Variants in LAMA3 observed in about 807,000 individuals in gnomAD.
LAMA3 encodes the protein laminin subunit alpha 3, also known as laminin subunit alpha-3.
Under a neutral mutation model 402.0 loss-of-function variants are expected in LAMA3, and 281 were observed. The ratio of observed to expected loss-of-function variants is 0.70; its 90% confidence interval spans 0.63 to 0.77. LAMA3 has a LOEUF of 0.77. Among genes scored for constraint, LAMA3 ranks in the 30% least tolerant of loss-of-function variants. LAMA3 has a pLI of 0.00. For synonymous variants in LAMA3, 1,431 were observed against 1,558.4 expected, an observed-to-expected ratio of 0.92 and a Z score of 1.93; for missense variants, 3,840 against 4,215.5, an observed-to-expected ratio of 0.91 and a Z score of 2.47.
chr18:23,861,590 C>T, intron 34 of LAMA3, 56 bp from the exon 35 acceptor site: 1 of 1,600,340 alleles, frequency 6.2e-7, no homozygotes, highest in African/African-American at 1.3e-5. Context: ...CACCCATCAC[C>T]CCAGGGATGC....
chr18:23,857,037 C>T (rs2064097092), intron 32 of LAMA3, among the ~76,000 whole-genome samples: 1 of 152,176 alleles, frequency 6.6e-6, no homozygotes, highest in Non-Finnish European at 1.5e-5. Context: ...TTGCCAAGTG[C>T]CAGGCACTGG....
intron 74 of LAMA3, among the ~76,000 whole-genome samples, chr18:23,954,226 A>AC (rs1156510471): frequency 1.3e-5 from 2 of 151,836 alleles, no homozygotes; most frequent in South Asian, 2.1e-4. Flanking sequence ...ACATAGTGAG[A>AC]CCCCATCTCT....
intron 37 of LAMA3, among the ~76,000 whole-genome samples, chr18:23,870,037 G>A (rs1184890389): frequency 2.0e-5 from 3 of 151,994 alleles, no homozygotes; most frequent in East Asian, 3.8e-4. Context: ...AGGTGCAGTG[G>A]CTCACACCTG....
chr18:23,852,992 C>T (rs558964225), intron 32 of LAMA3, among the ~76,000 whole-genome samples: 30 of 152,198 alleles, frequency 2.0e-4, no homozygotes, highest in Non-Finnish European at 4.0e-4. Flanking sequence ...CCACAGAGAT[C>T]GCCTCATCAT....
Position 23,914,942 on chromosome 18 carries a change from A to G in LAMA3, c.7644+82A>G. Reference sequence around the variant, plus strand: ...GATGACCTCATGTCTCTAATTGTTAATTACATATAAAATGGATTTAACCGC... The same window carrying G: ...GATGACCTCATGTCTCTAATTGTTAGTTACATATAAAATGGATTTAACCGC... On this transcript the variant is annotated intron_variant, in intron 58 of 74. Transcript: ENST00000313654. The G allele has an allele frequency of 2.6e-6, 3 of 1,148,068 alleles. No homozygotes were observed. In the Admixed American group the frequency reaches 5.6e-5, roughly 21 times the overall value. 71.1% of individuals were successfully genotyped at this position (1,148,068 alleles called of 1,614,324 possible).
At chr18:23,883,946 C>G (rs2144941547) in intron 40 of LAMA3, among the ~76,000 whole-genome samples, 1 of 152,158 alleles carries the variant, frequency 6.6e-6, no homozygotes, top group East Asian at 1.9e-4. Context: ...GAGAGGCTTC[C>G]TAAACAGGCA....
At chr18:23,761,017 C>G (rs1482994637) in intron 7 of LAMA3, among the ~76,000 whole-genome samples, 11 of 152,170 alleles carry the variant, frequency 7.2e-5, no homozygotes, top group African/African-American at 2.6e-4. Context: ...CACAAGCGTT[C>G]GGACCATAGC....
intron 32 of LAMA3, among the ~76,000 whole-genome samples, chr18:23,849,202 C>A (rs2063891162): frequency 6.6e-6 from 1 of 152,190 alleles, no homozygotes. Flanking sequence ...GCAATGTTTG[C>A]TTTTCTAAGA....
intron 66 of LAMA3, chr18:23,932,630 GT>G: frequency 3.1e-6 from 1 of 319,382 alleles, no homozygotes; most frequent in Non-Finnish European, 6.0e-6. Context: ...GCTCTCCACG[GT>G]TTTCAAGGCC....
chr18:23,730,099 G>C (rs754114243), intron 2 of LAMA3, among the ~76,000 whole-genome samples: 1 of 152,096 alleles, frequency 6.6e-6, no homozygotes, highest in Non-Finnish European at 1.5e-5. Flanking sequence ...AAAATGTATG[G>C]ACCCTGGGAT....
chr18:23,909,490 T>G (rs2081362310), intron 55 of LAMA3, among the ~76,000 whole-genome samples, 195 bp downstream of exon 55: 2 of 152,226 alleles, frequency 1.3e-5, no homozygotes, highest in South Asian at 4.1e-4. Flanking sequence ...ATCCTTACAT[T>G]ATCTGGTATA....
At chr18:23,858,895 C>T (rs993673515) in intron 34 of LAMA3, 66 bp downstream of exon 34, 1 of 1,479,560 alleles carries the variant, frequency 6.8e-7, no homozygotes, top group Admixed American at 1.7e-5. Context: ...TAAGCATATC[C>T]CTCGCTGCTC....
chr18:23,759,330 CAAAAA>C (rs34457452), intron 7 of LAMA3, among the ~76,000 whole-genome samples: 1 of 112,622 alleles, frequency 8.9e-6, no homozygotes. Context: ...AAGATCCTGT[CAAAAA>C]AAAAAAAAAA....
chr18:23,793,213 T>A (rs577192986), intron 12 of LAMA3, among the ~76,000 whole-genome samples: 7 of 152,098 alleles, frequency 4.6e-5, no homozygotes, highest in Non-Finnish European at 1.0e-4. Context: ...GGGCAGGGAA[T>A]ACCAGAGTGT....
chr18:23,845,137 T>C lies in LAMA3; in HGVS notation c.3719+13T>C, dbSNP rs567837231. On this transcript the variant is annotated intron_variant, in intron 30 of 74. Coordinates refer to ENST00000313654, the MANE Select transcript of LAMA3 (RefSeq NM_198129.4). ...GCTTTTACCTTGAGTGAGTATCACT[T>C]TGTGGGAAGGCTCTGGAATGCAGAG... 2 of 1,454,222 alleles carry C rather than the reference T, an allele frequency of 1.4e-6. No individual in the cohort carries two copies. The highest frequency in any genetic ancestry group is 2.3e-5 in the South Asian group (2 of 87,744). The allele number at this position is 1,454,222 out of a possible 1,614,324, so 90.1% of individuals were successfully genotyped here.
At chr18:23,805,497 A>G (rs1027187609) in intron 12 of LAMA3, among the ~76,000 whole-genome samples, 10 of 152,234 alleles carry the variant, frequency 6.6e-5, no homozygotes, top group Non-Finnish European at 1.3e-4. Context: ...TCCATAGGTC[A>G]GGGAACCAAT....
At position 23,918,934 on chromosome 18, in the gene LAMA3, C is replaced by T. The variant is rs1285163883; in HGVS notation, c.7924-2001C>T. Among the ~76,000 whole-genome samples, 1 of 152,182 alleles carries T rather than the reference C, an allele frequency of 6.6e-6. No individual in the cohort carries two copies. Among genetic ancestry groups the T allele is most frequent in the African/African-American group, 2.4e-5 (1 of 41,460 alleles). On this transcript the variant is annotated intron_variant, in intron 60 of 74. Transcript: ENST00000313654. The surrounding 1 kb of genome is among the most constrained non-coding windows in gnomAD (Gnocchi z 4.1). Reference sequence around the variant, plus strand: ...CAGTTCTGATGGTTTGGGAAGGTCCCAGCCAGCCTGAAGGATACATAGAGC... The same window carrying T: ...CAGTTCTGATGGTTTGGGAAGGTCCTAGCCAGCCTGAAGGATACATAGAGC...
At chr18:23,902,638 C>T (rs903752352) in intron 48 of LAMA3, among the ~76,000 whole-genome samples, 2 of 152,180 alleles carry the variant, frequency 1.3e-5, no homozygotes, top group Admixed American at 1.3e-4. Context: ...CGGTCAAGTG[C>T]CTGCTGTGTT....
At chr18:23,841,786 A>T (rs2063707612) in intron 27 of LAMA3, among the ~76,000 whole-genome samples, 1 of 152,100 alleles carries the variant, frequency 6.6e-6, no homozygotes, top group Non-Finnish European at 1.5e-5. Flanking sequence ...CCCAGGCATG[A>T]TGGCACGTAC....
Sources: allele counts gnomAD v4.1 joint callset (sites outside exome capture counted in the v4.1 genomes callset), GRCh38; gene constraint gnomAD v4.1.1; non-coding constraint Gnocchi (gnomAD v3.1); transcripts MANE v1.5; gene names NCBI Gene and HGNC (gene_info 2026-07-23, HGNC 2026-07-21).